MAN1A1: variants seen among roughly 807,000 people sequenced by gnomAD.
The protein encoded by MAN1A1 is mannosidase alpha class 1A member 1.
Under a neutral mutation model 70.8 loss-of-function variants are expected in MAN1A1, and 29 were observed. That is an observed-to-expected ratio of 0.41 (90% confidence interval 0.31 to 0.56). The LOEUF is 0.56. Among genes scored for constraint, MAN1A1 ranks in the 20% least tolerant of loss-of-function variants. The pLI is 0.29. For synonymous variants in MAN1A1, 349 were observed against 330.1 expected (o/e 1.06, Z -0.62); for missense variants, 747 against 841.3 (o/e 0.89, Z 1.39).
intron 5 of MAN1A1, among the ~76,000 whole-genome samples, chr6:119,280,443 CTG>C (rs1776199588): frequency 6.6e-6 from 1 of 152,224 alleles, no homozygotes; most frequent in Admixed American, 6.5e-5. Flanking sequence ...TCAATGGGGA[CTG>C]TGTTTCTCTT....
chr6:119,306,716 T>C lies in MAN1A1; in HGVS notation c.700+180A>G, dbSNP rs553162947. ...TATTCCAGCAGGTTATTCGAACACA[T>C]AGCCACTACTCTAGCTGAAGGACAC... On this transcript the variant is annotated intron_variant, in intron 3 of 12. Coordinates refer to ENST00000368468, the MANE Select transcript of MAN1A1 (RefSeq NM_005907.4). Among the ~76,000 whole-genome samples, 104 of 152,274 alleles carry C rather than the reference T, an allele frequency of 6.8e-4. 1 individual carries two copies. Among genetic ancestry groups the C allele is most frequent in the African/African-American group, 2.5e-3 (102 of 41,568 alleles).
chr6:119,350,233 C>T (rs2114523625), upstream of MAN1A1, among the ~76,000 whole-genome samples: 1 of 152,274 alleles, frequency 6.6e-6, no homozygotes, highest in South Asian at 2.1e-4. Flanking sequence ...GCAGGGGGTC[C>T]TGGGCGCTGG....
At chr6:119,238,993 C>T (rs557303662) in intron 6 of MAN1A1, among the ~76,000 whole-genome samples, 2 of 152,186 alleles carry the variant, frequency 1.3e-5, no homozygotes, top group African/African-American at 4.8e-5. Flanking sequence ...CGGGTTCATG[C>T]CATTCTCCTG....
At chr6:119,281,012 G>A (rs557715329) in intron 5 of MAN1A1, among the ~76,000 whole-genome samples, 1 of 152,354 alleles carries the variant, frequency 6.6e-6, no homozygotes, top group Admixed American at 6.5e-5. Flanking sequence ...AACAGCAGTG[G>A]TGGTATAGAG....
chr6:119,306,125 A>C (rs1473167866), intron 3 of MAN1A1, among the ~76,000 whole-genome samples: 1 of 152,232 alleles, frequency 6.6e-6, no homozygotes, highest in African/African-American at 2.4e-5. Context: ...TTTCAGTTAA[A>C]GTATAGAAAG....
In MAN1A1 at chr6:119,297,735, C is replaced by CTT. The variant is rs386408421; in HGVS notation, c.816+4251_816+4252dup. 8.9e-3 allele frequency among the ~76,000 whole-genome samples: 847 copies of CTT among 95,620 alleles called. 4 individuals are homozygous for CTT. Among genetic ancestry groups the CTT allele is most frequent in the East Asian group, 0.013 (43 of 3,252 alleles). The allele number at this position is 95,620 out of a possible 152,430, so 62.7% of individuals were successfully genotyped here. A position where few individuals can be genotyped will look rare whatever the true frequency, so the allele number is the denominator to read the frequency against. On this transcript the variant is annotated intron_variant, in intron 4 of 12. Transcript: ENST00000368468. ...GTATCACATATTACTAAATAGTTTC[C>CTT]TTTTTTTTTTTTTTTTTTTTTTGAG...
At chr6:119,242,553 CT>C (rs1393055911) in intron 6 of MAN1A1, among the ~76,000 whole-genome samples, 2 of 152,010 alleles carry the variant, frequency 1.3e-5, no homozygotes, top group African/African-American at 4.8e-5. Flanking sequence ...TTAGTCAGTT[CT>C]AGATATATAC....
At chr6:119,341,805 T>A (rs1218265622) in intron 2 of MAN1A1, among the ~76,000 whole-genome samples, 1 of 152,166 alleles carries the variant, frequency 6.6e-6, no homozygotes, top group African/African-American at 2.4e-5. Context: ...TTTAGAAGAA[T>A]AACTTCAATA....
At chr6:119,184,704 T>C (rs1773239279) in intron 11 of MAN1A1, among the ~76,000 whole-genome samples, 1 of 150,462 alleles carries the variant, frequency 6.6e-6, no homozygotes, top group African/African-American at 2.4e-5. Context: ...AACCTGAAAC[T>C]ACCAAAAAAA....
intron 4 of MAN1A1, among the ~76,000 whole-genome samples, chr6:119,294,704 T>C (rs1198392503): frequency 6.6e-6 from 1 of 152,102 alleles, no homozygotes. Context: ...AAAATCAGAA[T>C]TGGAGAAATT....
At chr6:119,259,119 T>C (rs1473878361) in intron 5 of MAN1A1, among the ~76,000 whole-genome samples, 1 of 152,232 alleles carries the variant, frequency 6.6e-6, no homozygotes, top group African/African-American at 2.4e-5. Flanking sequence ...TGAGCTTTCA[T>C]GTCTGCTTTC....
chr6:119,311,726 G>C (rs966087481), intron 2 of MAN1A1, among the ~76,000 whole-genome samples: 2 of 152,136 alleles, frequency 1.3e-5, no homozygotes, highest in Non-Finnish European at 2.9e-5. Context: ...ATCGGAATGA[G>C]GGCTTAGGAC....
intron 3 of MAN1A1, among the ~76,000 whole-genome samples, chr6:119,302,509 G>A (rs1772418719): frequency 1.3e-5 from 2 of 151,984 alleles, no homozygotes; most frequent in Non-Finnish European, 2.9e-5. Flanking sequence ...AGCCTCCTGA[G>A]TAGCTGGGAC....
At chr6:119,334,767 A>G (rs1318733987) in intron 2 of MAN1A1, among the ~76,000 whole-genome samples, 3 of 152,260 alleles carry the variant, frequency 2.0e-5, no homozygotes, top group Non-Finnish European at 4.4e-5. Context: ...AAATGAAAGC[A>G]CCATATGCCT....
At position 119,268,206 on chromosome 6, in the gene MAN1A1, T is replaced by C. The variant is rs115756889; in HGVS notation, c.898-19852A>G. On this transcript the variant is annotated intron_variant, in intron 5 of 12. Coordinates refer to ENST00000368468, the MANE Select transcript of MAN1A1 (RefSeq NM_005907.4). ...TTTAAGAGAAACATTGCTTATCTAC[T>C]ATTTAGTTACCAGTGATATAGTTCA... Among the ~76,000 whole-genome samples, 441 of 152,350 alleles carry C rather than the reference T, an allele frequency of 2.9e-3. 2 individuals carry two copies. The highest frequency in any genetic ancestry group is 0.01 in the African/African-American group (425 of 41,572).
At position 119,271,653 on chromosome 6, in the gene MAN1A1, C is replaced by T. The variant is rs192605723; in HGVS notation, c.897+19030G>A. On this transcript the variant is annotated intron_variant, in intron 5 of 12. Coordinates refer to ENST00000368468, the MANE Select transcript of MAN1A1 (RefSeq NM_005907.4). ...TAGCTGGGGTTACAGGCATGCACCA[C>T]TACACCTAGCTATTTTTTTTTTGTA... 4.3e-3 allele frequency among the ~76,000 whole-genome samples: 652 copies of T among 151,496 alleles called. 6 individuals carry two copies. Among genetic ancestry groups the T allele is most frequent in the African/African-American group, 0.015 (614 of 41,188 alleles).
intron 2 of MAN1A1, among the ~76,000 whole-genome samples, chr6:119,314,005 C>A (rs1026094779): frequency 1.8e-4 from 28 of 152,092 alleles, no homozygotes; most frequent in Admixed American, 1.6e-3. Flanking sequence ...CCACAGTTAG[C>A]CCACAGCCCA....
intron 6 of MAN1A1, among the ~76,000 whole-genome samples, chr6:119,234,667 G>A (rs376813263): frequency 1.3e-5 from 2 of 152,054 alleles, no homozygotes; most frequent in South Asian, 2.1e-4. Context: ...CTTTTGCCTC[G>A]GCCTCCAAAG....
chr6:119,261,387 A>C (rs1775610191), intron 5 of MAN1A1, among the ~76,000 whole-genome samples: 1 of 152,330 alleles, frequency 6.6e-6, no homozygotes, highest in African/African-American at 2.4e-5. Context: ...CCTTTTAAAA[A>C]TGTTAATCCA....
Sources: gnomAD v4.1 joint callset for allele counts (sites outside exome capture counted in the v4.1 genomes callset) on GRCh38, gnomAD v4.1.1 for gene constraint, MANE v1.5 for transcripts, NCBI Gene and HGNC (gene_info 2026-07-23, HGNC 2026-07-21) for gene names.